KIAA0825: variants seen among roughly 807,000 people sequenced by gnomAD.
KIAA0825 encodes the protein uncharacterized protein KIAA0825.
In KIAA0825, 119 loss-of-function variants were observed where a neutral mutation model predicts 147.6. The observed-to-expected ratio is 0.81, with a 90% CI of 0.69 to 0.94. The LOEUF (loss-of-function observed/expected upper bound fraction) is 0.94. Ranked by LOEUF, KIAA0825 falls within the 40% of genes least tolerant of loss-of-function variation. The pLI is 0.00. For synonymous variants in KIAA0825, 470 were observed against 518.1 expected (o/e 0.91, Z 1.26); for missense variants, 1,381 against 1,472.7 (o/e 0.94, Z 1.02).
chr5:94,556,374 C>T (rs765196116), intron 2 of KIAA0825, among the ~76,000 whole-genome samples: 14 of 151,962 alleles, frequency 9.2e-5, no homozygotes, highest in African/African-American at 1.2e-4. Flanking sequence ...CCACATGCCC[C>T]GCCAGATGTC....
chr5:94,405,458 T>C (rs1011808399), intron 15 of KIAA0825, among the ~76,000 whole-genome samples: 11 of 152,206 alleles, frequency 7.2e-5, no homozygotes, highest in African/African-American at 2.7e-4. Context: ...TCTATTAATA[T>C]ATTTACCAAC....
chr5:94,616,853 T>A (rs1790647038), intron 1 of KIAA0825, among the ~76,000 whole-genome samples: 1 of 152,214 alleles, frequency 6.6e-6, no homozygotes, highest in South Asian at 2.1e-4. Flanking sequence ...TTTCTAAATG[T>A]GACATACTAT....
chr5:94,424,218 C>CTTA (rs1278103411), intron 14 of KIAA0825, among the ~76,000 whole-genome samples: 1 of 152,028 alleles, frequency 6.6e-6, no homozygotes, highest in Non-Finnish European at 1.5e-5. Flanking sequence ...TCATATAAAA[C>CTTA]TTATATTAAA....
chr5:94,293,811 T>C (rs933892705), intron 20 of KIAA0825, among the ~76,000 whole-genome samples: 1 of 152,232 alleles, frequency 6.6e-6, no homozygotes, highest in Non-Finnish European at 1.5e-5. Flanking sequence ...TGGGTGCATA[T>C]AAATTTAGGA....
chr5:94,327,285 T>C (rs574095356), intron 20 of KIAA0825, among the ~76,000 whole-genome samples: 17 of 152,248 alleles, frequency 1.1e-4, no homozygotes, highest in African/African-American at 3.8e-4. Flanking sequence ...TGAAGCTTGT[T>C]CTACATGCTT....
At chr5:94,356,028 G>C (rs186973087) in intron 20 of KIAA0825, among the ~76,000 whole-genome samples, 219 of 152,250 alleles carry the variant, frequency 1.4e-3, no homozygotes, top group African/African-American at 5.0e-3. Flanking sequence ...GTAGGTCTTG[G>C]GTGGGGCCCA....
chr5:94,289,861 A>G (rs954584814), intron 20 of KIAA0825, among the ~76,000 whole-genome samples: 5 of 152,026 alleles, frequency 3.3e-5, no homozygotes, highest in Admixed American at 2.0e-4. Context: ...GCAATATGGC[A>G]AGATGTCATC....
intron 20 of KIAA0825, among the ~76,000 whole-genome samples, chr5:94,336,759 T>A (rs181903077): frequency 1.5e-3 from 222 of 152,284 alleles, no homozygotes; most frequent in African/African-American, 5.1e-3. Flanking sequence ...TGATTTATAA[T>A]CCTTTGGGTA....
chr5:94,585,368 A>C (rs1039906395), intron 1 of KIAA0825, among the ~76,000 whole-genome samples: 2 of 152,212 alleles, frequency 1.3e-5, no homozygotes, highest in South Asian at 2.1e-4. Context: ...TGGAAAGCAA[A>C]GAAAAAGCAG....
intron 10 of KIAA0825, 69 bp from the exon 11 acceptor site, chr5:94,465,128 C>A (rs554328157): frequency 6.4e-6 from 9 of 1,416,172 alleles, no homozygotes; most frequent in East Asian, 2.5e-5. Context: ...TTCCTATGAA[C>A]GTAATTAGTT....
chr5:94,586,373 A>T (rs535306978), intron 1 of KIAA0825, among the ~76,000 whole-genome samples: 13 of 152,376 alleles, frequency 8.5e-5, no homozygotes, highest in African/African-American at 3.1e-4. Context: ...CACTGATCCC[A>T]CAGAAATATA....
At chr5:94,468,746 C>T (rs34836227) in intron 10 of KIAA0825, among the ~76,000 whole-genome samples, 22,730 of 152,126 alleles carry the variant, frequency 0.15, 1,924 homozygotes, top group East Asian at 0.2. Flanking sequence ...CAGGAACCTT[C>T]AGTGCCTGCG....
chr5:94,296,523 C>A (rs1436039025), intron 20 of KIAA0825, among the ~76,000 whole-genome samples: 1 of 152,150 alleles, frequency 6.6e-6, no homozygotes, highest in African/African-American at 2.4e-5. Context: ...AATCCCAGGG[C>A]CTTGGTGGTG....
At chr5:94,316,228 T>C (rs568212745) in intron 20 of KIAA0825, among the ~76,000 whole-genome samples, 3 of 151,736 alleles carry the variant, frequency 2.0e-5, no homozygotes, top group Non-Finnish European at 4.4e-5. Context: ...TTAGTAGTTA[T>C]GAATTTCTAT....
At chr5:94,366,346 C>G (rs1745855374) in intron 20 of KIAA0825, among the ~76,000 whole-genome samples, 1 of 152,200 alleles carries the variant, frequency 6.6e-6, no homozygotes, top group Admixed American at 6.5e-5. Flanking sequence ...GACTCACCCT[C>G]TGCCTTGAAC....
chr5:94,511,202 G>A (rs1030754794), intron 5 of KIAA0825, among the ~76,000 whole-genome samples: 12 of 152,062 alleles, frequency 7.9e-5, no homozygotes, highest in Admixed American at 3.3e-4. Context: ...TGAACTTGTC[G>A]GCCTCCAGAC....
At chr5:94,305,683 A>C (rs1367539227) in intron 20 of KIAA0825, among the ~76,000 whole-genome samples, 1 of 152,010 alleles carries the variant, frequency 6.6e-6, no homozygotes, top group East Asian at 1.9e-4. Context: ...TTATTCACTG[A>C]AAATGTGGCA....
At chr5:94,582,808 A>G (rs1192611427) in intron 1 of KIAA0825, among the ~76,000 whole-genome samples, 1 of 152,202 alleles carries the variant, frequency 6.6e-6, no homozygotes, top group Non-Finnish European at 1.5e-5. Context: ...CACAGGTAAT[A>G]GGGGCACCTT....
At chr5:94,294,255 A>T (rs1438678588) in intron 20 of KIAA0825, among the ~76,000 whole-genome samples, 1 of 152,204 alleles carries the variant, frequency 6.6e-6, no homozygotes, top group African/African-American at 2.4e-5. Context: ...ATGTTTTTCC[A>T]GTGGCTGATA....
Sources: allele counts gnomAD v4.1 joint callset (sites outside exome capture counted in the v4.1 genomes callset), GRCh38; gene constraint gnomAD v4.1.1; transcripts MANE v1.5; gene names NCBI Gene and HGNC (gene_info 2026-07-23, HGNC 2026-07-21).